The following SMG8 variants were observed in gnomAD, a reference collection of about 807,000 sequenced individuals.
SMG8 encodes nonsense-mediated mRNA decay factor SMG8.
A neutral mutation model predicts 82.1 loss-of-function variants in SMG8; 49 were observed. The ratio of observed to expected loss-of-function variants is 0.60; its 90% confidence interval spans 0.47 to 0.76. The LOEUF is 0.76. Ranked by LOEUF, SMG8 falls within the 30% of genes least tolerant of loss-of-function variation. The pLI, the probability that SMG8 is intolerant of heterozygous loss-of-function variation, is 0.00. For missense variants in SMG8, 969 were observed against 1,166.4 expected, an observed-to-expected ratio of 0.83 and a Z score of 2.46; for synonymous variants, 404 against 430.0, an observed-to-expected ratio of 0.94 and a Z score of 0.75.
At chr17:59,212,051 A>G (rs1265859307) in intron 1 of SMG8, 1 of 432,192 alleles carries the variant, frequency 2.3e-6, no homozygotes, top group Non-Finnish European at 4.0e-6. Context: ...ATTATTAAGT[A>G]GTATAAAATT....
intron 1 of SMG8, 109 bp from the exon 2 acceptor site, chr17:59,212,232 T>C: frequency 1.3e-6 from 1 of 763,292 alleles, no homozygotes; most frequent in Admixed American, 2.6e-5. Flanking sequence ...GCTTCTTCTG[T>C]TATGTGTATT....
chr17:59,211,710 G>A lies in SMG8; in HGVS notation c.1659G>A (p.Glu553=). The A allele has an allele frequency of 6.2e-7, 1 of 1,613,870 alleles. No individual in the cohort carries two copies. Among genetic ancestry groups the A allele is most frequent in the Non-Finnish European group, 8.5e-7 (1 of 1,179,940 alleles). The change falls in exon 1 of 4, where the codon GAG becomes GAA. Residue 553 remains glutamate (E), a synonymous_variant. Transcript: ENST00000300917. ...ACAAATACGCCATGCAGTTACATGA[G>A]GACTGCTACAAATTTTGGAGCAATG... ...AFHKYAMQLH[E]DCYKFWSNGH...
rs776377939 is a variant in SMG8 at position 59,213,381 on chromosome 17, A to G, written c.2558A>G (p.Asp853Gly). 4 of 1,613,752 alleles carry G rather than the reference A, an allele frequency of 2.5e-6. No individual in the cohort carries two copies. The highest frequency in any genetic ancestry group is 3.4e-6 in the Non-Finnish European group (4 of 1,180,006). ...ARAFVGFEYE[D>G]SRGRRFMCSG... Reference sequence around the variant, plus strand: ...GCTTTTGTGGGCTTTGAATATGAAGACTCTCGAGGTCGGAGATTCATGTGC... The same window carrying G: ...GCTTTTGTGGGCTTTGAATATGAAGGCTCTCGAGGTCGGAGATTCATGTGC... Residue 853 changes from aspartate to glycine, a missense_variant, in exon 3 of 4, where the codon GAC becomes GGC. Coordinates refer to ENST00000300917, the MANE Select transcript of SMG8 (RefSeq NM_018149.7).
Position 59,210,148 on chromosome 17 carries a change from A to T in SMG8, c.97A>T (p.Ser33Cys), listed in dbSNP as rs1195699015. The change falls in exon 1 of 4, where the codon AGC becomes TGC. Residue 33 changes from serine (S) to cysteine (C), a missense_variant. Ser to Cys is a moderately radical substitution (Grantham distance 112). Around this residue, in one of 3 missense-constraint regions of SMG8, gnomAD observed 206 missense variants for 190.5 expected, o/e 1.08. Transcript: ENST00000300917. ...AGGGTCCCCTACTGAGGGCGGAGGG[A>T]GCGCGGCTGGCGGACCGGAGCCTCC... ...PGGSPTEGGG[S>C]AAGGPEPPWR... is the part of the protein sequence containing the mutation. 4 of 1,587,256 alleles carry T rather than the reference A, an allele frequency of 2.5e-6. No homozygotes were observed. The African/African-American group carries it at 5.4e-5, about 21-fold the overall frequency.
Position 59,211,404 on chromosome 17 carries a change from A to G in SMG8, c.1353A>G (p.Ala451=). The G allele has an allele frequency of 6.2e-7, 1 of 1,614,226 alleles. No individual in the cohort carries two copies. Among genetic ancestry groups the G allele is most frequent in the Non-Finnish European group, 8.5e-7 (1 of 1,180,040 alleles). ...CTACTTATCAGAAGTGGATCTCAGC[A>G]GCTTCAAAACTGTATGAGGTGGCTA... ...ELPTYQKWIS[A]ASKLYEVAID... is the part of the protein sequence containing the mutation. Residue 451 remains alanine, a synonymous_variant, in exon 1 of 4, where the codon GCA becomes GCG. Coordinates refer to ENST00000300917, the MANE Select transcript of SMG8 (RefSeq NM_018149.7).
chr17:59,214,842 C>A lies in SMG8; in HGVS notation c.2816C>A (p.Pro939Gln). The change falls in exon 4 of 4, where the codon CCA becomes CAA. Residue 939 changes from proline (P) to glutamine (Q), a missense_variant. Transcript: ENST00000300917. ...CCACCACCATGTCCGGTATTCTACCCAGAAAAACAAGAAATCACCCTTCCA... is the reference window on the plus strand; with the variant it reads ...CCACCACCATGTCCGGTATTCTACCAAGAAAAACAAGAAATCACCCTTCCA... ...PGPPPCPVFY[P>Q]EKQEITLPPD... 1 of 872,936 alleles carries A rather than the reference C, an allele frequency of 1.1e-6. No individual in the cohort carries two copies. Among genetic ancestry groups the A allele is most frequent in the Non-Finnish European group, 2.0e-6 (1 of 501,676 alleles). 54.1% of individuals were successfully genotyped at this position (872,936 alleles called of 1,614,324 possible).
rs755286021 is a variant in SMG8 at position 59,213,482 on chromosome 17, A to C, written c.2659A>C (p.Met887Leu). 16 of 1,614,202 alleles carry C rather than the reference A, an allele frequency of 9.9e-6. No homozygotes were observed. Among genetic ancestry groups the C allele is most frequent in the Non-Finnish European group, 1.4e-5 (16 of 1,180,034 alleles). The change falls in exon 3 of 4, where the codon ATG becomes CTG. Residue 887 changes from methionine to leucine, a missense_variant. Transcript: ENST00000300917. ...ESALKALNSD[M>L]PLYILSSSQG... ...AGCTTTAAAAGCCCTAAATAGTGACATGCCCTTATATATTCTGTCATCCTC... is the reference window on the plus strand; with the variant it reads ...AGCTTTAAAAGCCCTAAATAGTGACCTGCCCTTATATATTCTGTCATCCTC...
Position 59,212,426 on chromosome 17 carries a change from G to C in SMG8, c.1845G>C (p.Arg615Ser). ...ARSTGACNCG[R>S]KQAPRDDPFD... ...CTACTGGTGCTTGCAACTGTGGAAG[G>C]AAACAAGCACCTCGAGATGATCCCT... is the stretch of plus-strand genomic sequence containing the variant. Residue 615 changes from arginine (R) to serine (S), a missense_variant, in exon 2 of 4, where the codon AGG (arginine) becomes AGC (serine). Transcript: ENST00000300917. 6.2e-7 allele frequency: 1 copy of C among 1,609,310 alleles called. No individual in the cohort carries two copies. Among genetic ancestry groups the C allele is most frequent in the Non-Finnish European group, 8.5e-7 (1 of 1,176,338 alleles).
rs555294938 is a variant in SMG8, at chr17:59,210,363, A to G, written c.312A>G (p.Gly104=). 71 of 1,610,910 alleles carry G rather than the reference A, an allele frequency of 4.4e-5. No individual in the cohort carries two copies. The highest frequency in any genetic ancestry group is 4.8e-5 in the Non-Finnish European group (56 of 1,178,858). The change falls in exon 1 of 4, where the codon GGA becomes GGG. Residue 104 remains glycine, a synonymous_variant. Transcript: ENST00000300917. Reference sequence around the variant, plus strand: ...CTGGCGCCGTGGGTGAGGCCGGTGGAGCCGAGGACCCTGGGGCTGCAGCCG... The same window carrying G: ...CTGGCGCCGTGGGTGAGGCCGGTGGGGCCGAGGACCCTGGGGCTGCAGCCG... ...TEAGAVGEAG[G]AEDPGAAAGG...
In SMG8 at chr17:59,211,332, C is replaced by T; in HGVS notation, c.1281C>T (p.Phe427=). ...HVELVLSKKG[F]DDSVGRNPQP... ...AGCTAGTTCTAAGCAAGAAAGGTTT[C>T]GATGACAGTGTGGGCAGGAACCCAC... Residue 427 remains phenylalanine (F), a synonymous_variant, in exon 1 of 4, where the codon TTC becomes TTT. Transcript: ENST00000300917. The T allele has an allele frequency of 3.7e-6, 6 of 1,614,080 alleles. No homozygotes were observed. The highest frequency in any genetic ancestry group is 5.1e-6 in the Non-Finnish European group (6 of 1,179,998).
rs141016713 is a variant in SMG8, at chr17:59,210,130, C to T, written c.79C>T (p.Pro27Ser). The T allele has an allele frequency of 1.3e-6, 2 of 1,586,592 alleles. No homozygotes were observed. Among genetic ancestry groups the T allele is most frequent in the African/African-American group, 1.4e-5 (1 of 73,966 alleles). The change falls in exon 1 of 4, where the codon CCT becomes TCT. Residue 27 changes from proline to serine, a missense_variant. Coordinates refer to ENST00000300917, the MANE Select transcript of SMG8 (RefSeq NM_018149.7). ...GGGCTCTGAAAGTCCCGGAGGGTCC[C>T]CTACTGAGGGCGGAGGGAGCGCGGC... The part of the protein sequence containing the change: ...WMGSESPGGS[P>S]TEGGGSAAGG...
Position 59,210,071 on chromosome 17 carries a change from T to C in SMG8, c.20T>C (p.Leu7Ser). 1 of 1,568,032 alleles carries C rather than the reference T, an allele frequency of 6.4e-7. No individual in the cohort carries two copies. The highest frequency in any genetic ancestry group is 8.6e-7 in the Non-Finnish European group (1 of 1,161,314). ...TGCACTATGGCTGGTCCCGTGAGCT[T>C]GCGAGACCTTCTAATGGGAGCATCA... MAGPVSLRDLLMGASAW... is the reference protein window; with the variant it reads MAGPVSSRDLLMGASAW... The change falls in exon 1 of 4, where the codon TTG becomes TCG. Residue 7 changes from leucine (L) to serine (S), a missense_variant. This residue lies in a region of SMG8 where 206 missense variants were observed against 190.5 expected (regional missense o/e 1.08). Coordinates refer to ENST00000300917, the MANE Select transcript of SMG8 (RefSeq NM_018149.7).
Position 59,210,989 on chromosome 17 carries a change from G to A in SMG8, c.938G>A (p.Arg313Gln), listed in dbSNP as rs773110828. The A allele has an allele frequency of 2.5e-6, 4 of 1,614,040 alleles. No individual in the cohort carries two copies. The highest frequency in any genetic ancestry group is 2.2e-5 in the East Asian group (1 of 44,898). Residue 313 changes from arginine (R) to glutamine (Q), a missense_variant, in exon 1 of 4, where the codon CGG (arginine) becomes CAG (glutamine). Physicochemically the swap from Arg to Gln is conservative, Grantham distance 43 (BLOSUM62 1). Around this residue, in one of 3 missense-constraint regions of SMG8, gnomAD observed 662 missense variants for 884.8 expected, o/e 0.75. Transcript: ENST00000300917. ...ALEDQIYRIF[R>Q]KSRVLTNQSI... is the part of the protein sequence containing the mutation. ...GAGGACCAGATCTATAGAATCTTCC[G>A]GAAGAGTCGTGTCTTGACTAATCAG...
At chr17:59,214,157 G>A (rs948876186) in intron 3 of SMG8, among the ~76,000 whole-genome samples, 1 of 151,944 alleles carries the variant, frequency 6.6e-6, no homozygotes, top group African/African-American at 2.4e-5. Context: ...GGTGGAAGGC[G>A]CCTGTAATCC....
intron 1 of SMG8, chr17:59,212,126 G>T: frequency 2.3e-6 from 1 of 435,348 alleles, no homozygotes; most frequent in Non-Finnish European, 4.0e-6. Flanking sequence ...TGTTATGTTA[G>T]ATGATGGTAC....
Position 59,214,872 on chromosome 17 carries a change from A to C in SMG8, c.2846A>C (p.Asp949Ala). ...AAACAAGAAATCACCCTTCCACCTG[A>C]TGGCCTTTGGGTTTTGAGATTTCCT... ...PEKQEITLPP[D>A]GLWVLRFPYA... is the part of the protein sequence containing the mutation. Residue 949 changes from aspartate (D) to alanine (A), a missense_variant, in exon 4 of 4, where the codon GAT becomes GCT. Asp to Ala is a moderately radical substitution (Grantham distance 126). Coordinates refer to ENST00000300917, the MANE Select transcript of SMG8 (RefSeq NM_018149.7). 1.1e-6 allele frequency: 1 copy of C among 872,894 alleles called. No homozygotes were observed. The highest frequency in any genetic ancestry group is 2.0e-6 in the Non-Finnish European group (1 of 501,664). The allele number at this position is 872,894 out of a possible 1,614,324, so 54.1% of individuals were successfully genotyped here.
rs1275480192 is a variant in SMG8, at chr17:59,210,228, C to G, written c.177C>G (p.Arg59=). The G allele has an allele frequency of 3.1e-6, 5 of 1,609,290 alleles. No homozygotes were observed. The South Asian group carries it at 4.4e-5, about 14-fold the overall frequency. Residue 59 remains arginine, a synonymous_variant, in exon 1 of 4, where the codon CGC becomes CGG. Transcript: ENST00000300917. ...VVGIFGKTAL[R]LNSEKFSLVN... ...GAATCTTCGGCAAGACGGCTCTACG[C>G]CTGAATTCCGAGAAGTTCTCTCTTG...
At position 59,211,648 on chromosome 17, in the gene SMG8, C is replaced by T. The variant is rs2046946279; in HGVS notation, c.1597C>T (p.Arg533Ter). Reference protein sequence around the residue: ...VHKNQLAQALRVYSQHARGPA... With the variant: ...VHKNQLAQAL ...TAAGAATCAGCTTGCCCAGGCTCTT[C>T]GAGTGTACAGTCAACATGCTAGAGG... The change falls in exon 1 of 4, where the codon CGA (arginine) becomes TGA (stop). Residue 533 changes from arginine to a stop codon, truncating the protein, a stop_gained. Coordinates refer to ENST00000300917, the MANE Select transcript of SMG8 (RefSeq NM_018149.7). LOFTEE classifies it high-confidence loss of function. 6.2e-7 allele frequency: 1 copy of T among 1,613,968 alleles called. No individual in the cohort carries two copies. The highest frequency in any genetic ancestry group is 8.5e-7 in the Non-Finnish European group (1 of 1,179,992).
chr17:59,210,977 A>T lies in SMG8; in HGVS notation c.926A>T (p.Tyr309Phe). 6.2e-7 allele frequency: 1 copy of T among 1,614,224 alleles called. No individual in the cohort carries two copies. Among genetic ancestry groups the T allele is most frequent in the Non-Finnish European group, 8.5e-7 (1 of 1,180,042 alleles). The change falls in exon 1 of 4, where the codon TAT becomes TTT. Residue 309 changes from tyrosine to phenylalanine, a missense_variant. Physicochemically the swap from Tyr to Phe is conservative, Grantham distance 22. Around this residue, in one of 3 missense-constraint regions of SMG8, gnomAD observed 662 missense variants for 884.8 expected, o/e 0.75. Transcript: ENST00000300917. Reference sequence around the variant, plus strand: ...CAGCATGCCCTGGAGGACCAGATCTATAGAATCTTCCGGAAGAGTCGTGTC... The same window carrying T: ...CAGCATGCCCTGGAGGACCAGATCTTTAGAATCTTCCGGAAGAGTCGTGTC... ...RLQHALEDQI[Y>F]RIFRKSRVLT...
Sources: gnomAD v4.1 joint callset for allele counts (sites outside exome capture counted in the v4.1 genomes callset) on GRCh38, gnomAD v4.1.1 for gene constraint, gnomAD v4.1.1 regional missense constraint, MANE v1.5 for transcripts, NCBI Gene and HGNC (gene_info 2026-07-23, HGNC 2026-07-21) for gene names.